Variants in ZFHX3 observed in about 807,000 individuals in gnomAD.
ZFHX3 encodes zinc finger homeobox 3.
A neutral mutation model predicts 279.1 loss-of-function variants in ZFHX3; 42 were observed. That is an observed-to-expected ratio of 0.15 (90% CI 0.12 to 0.19). ZFHX3 has a LOEUF of 0.19. Among genes scored for constraint, ZFHX3 ranks in the 10% least tolerant of loss-of-function variants. The pLI, the probability that ZFHX3 is intolerant of heterozygous loss-of-function variation, is 1.00. For missense variants in ZFHX3, 4,981 were observed against 4,754.0 expected (o/e 1.05, Z -1.40); for synonymous variants, 2,293 against 1,957.8 (o/e 1.17, Z -4.52).
At chr16:73,132,014 A>G (rs1966692953) in intron 6 of ZFHX3, among the ~76,000 whole-genome samples, 1 of 152,106 alleles carries the variant, frequency 6.6e-6, no homozygotes, top group South Asian at 2.1e-4. Flanking sequence ...GGTCCGGTGC[A>G]GTGGCTCACA....
chr16:73,045,640 CATTATTATTATT>C (rs10602067), intron 1 of ZFHX3, among the ~76,000 whole-genome samples: 11,211 of 142,944 alleles, frequency 0.078, 1,443 homozygotes, highest in African/African-American at 0.26. Context: ...CATGGATTTA[CATTATTATTATT>C]ATTATTATTA....
At chr16:73,382,549 G>GGAAT (rs1273961908) in intron 3 of ZFHX3, among the ~76,000 whole-genome samples, 1 of 152,162 alleles carries the variant, frequency 6.6e-6, no homozygotes, top group Non-Finnish European at 1.5e-5. Context: ...TGCTGTGTGG[G>GGAAT]GAATGGATTG....
At chr16:72,995,495 T>C (rs1420818352) in intron 1 of ZFHX3, among the ~76,000 whole-genome samples, 2 of 152,220 alleles carry the variant, frequency 1.3e-5, no homozygotes, top group African/African-American at 4.8e-5. Context: ...ACCTCTCTGA[T>C]GGACACCTTC....
At chr16:73,420,018 C>G (rs2017686338) in intron 3 of ZFHX3, 3 of 151,920 alleles carry the variant, frequency 2.0e-5, no homozygotes, top group Admixed American at 2.0e-4. Context: ...GTAATCCTCC[C>G]ACCTCAGTCT....
intron 3 of ZFHX3, among the ~76,000 whole-genome samples, chr16:73,403,061 CGTGTGCATGT>C (rs745649407): frequency 1.3e-3 from 198 of 152,204 alleles, no homozygotes; most frequent in Middle Eastern, 3.4e-3. Context: ...CATGTGTACA[CGTGTGCATGT>C]GTGTGCATGT....
In ZFHX3 at chr16:73,333,670, C is replaced by G. The variant is rs138909094; in HGVS notation, c.-1290-15334G>C. Among the ~76,000 whole-genome samples the G allele has an allele frequency of 6.3e-4, 95 of 151,986 alleles. No homozygotes were observed. The East Asian group carries it at 0.016, about 26-fold the overall frequency. ...GGATTTTCTAGGGGTAACAAGGGCTCTATACTAGGCATAACCAGCAAAAGA... is the reference window on the plus strand; with the variant it reads ...GGATTTTCTAGGGGTAACAAGGGCTGTATACTAGGCATAACCAGCAAAAGA... On this transcript the variant is annotated intron_variant, in intron 3 of 17. Transcript: ENST00000641206.
At chr16:73,743,688 T>C (rs2053679005) in intron 1 of ZFHX3, among the ~76,000 whole-genome samples, 1 of 152,214 alleles carries the variant, frequency 6.6e-6, no homozygotes, top group Non-Finnish European at 1.5e-5. Context: ...AGAGGTACCG[T>C]ATTTGTTATC....
chr16:73,747,520 C>G (rs2053715246), intron 1 of ZFHX3, among the ~76,000 whole-genome samples: 1 of 152,142 alleles, frequency 6.6e-6, no homozygotes, highest in Admixed American at 6.5e-5. Context: ...TTGTTTGTTT[C>G]TGCAGCAGAA....
intron 3 of ZFHX3, among the ~76,000 whole-genome samples, chr16:72,928,065 G>C (rs1027689150): frequency 4.3e-5 from 6 of 139,034 alleles, no homozygotes; most frequent in Non-Finnish European, 1.6e-5. Flanking sequence ...CAGGCAACGG[G>C]TTTAACCATT....
chr16:73,838,032 G>A (rs1043804547), intron 1 of ZFHX3, among the ~76,000 whole-genome samples: 4 of 152,266 alleles, frequency 2.6e-5, no homozygotes, highest in East Asian at 1.9e-4. Flanking sequence ...ACACATAATC[G>A]GACATAACAT....
chr16:73,470,585 C>T (rs75421771), intron 2 of ZFHX3, among the ~76,000 whole-genome samples: 1,610 of 152,282 alleles, frequency 0.011, 27 homozygotes, highest in African/African-American at 0.037. Flanking sequence ...CTTTCTGCTT[C>T]GTCCCCCACA....
chr16:73,527,401 C>T (rs1426948642), intron 2 of ZFHX3, among the ~76,000 whole-genome samples: 1 of 152,168 alleles, frequency 6.6e-6, no homozygotes, highest in Admixed American at 6.5e-5. Context: ...TGACTAAATA[C>T]TGTACATACA....
chr16:73,269,689 G>A (rs78620157), intron 4 of ZFHX3, among the ~76,000 whole-genome samples: 2,924 of 151,812 alleles, frequency 0.019, 87 homozygotes, highest in African/African-American at 0.067. Context: ...GGGATTGCTT[G>A]GTCCTTCATC....
intron 3 of ZFHX3, among the ~76,000 whole-genome samples, chr16:73,348,376 T>G (rs974855703): frequency 2.6e-5 from 4 of 152,202 alleles, no homozygotes; most frequent in African/African-American, 9.6e-5. Flanking sequence ...CAAGGGTCCT[T>G]CACCTTTGGG....
intron 8 of ZFHX3, among the ~76,000 whole-genome samples, chr16:73,067,294 C>A (rs185774283): frequency 1.3e-5 from 2 of 152,294 alleles, no homozygotes; most frequent in East Asian, 3.9e-4. Flanking sequence ...ACTTAAGCCC[C>A]GACAGTTGAA....
At chr16:72,939,419 C>A (rs1018474021) in intron 3 of ZFHX3, among the ~76,000 whole-genome samples, 15 of 152,264 alleles carry the variant, frequency 9.9e-5, no homozygotes, top group Admixed American at 7.2e-4. Flanking sequence ...CTAGATGGAG[C>A]CACTCTGCTA....
intron 5 of ZFHX3, among the ~76,000 whole-genome samples, chr16:73,231,238 G>A (rs774678043): frequency 6.6e-6 from 1 of 152,202 alleles, no homozygotes; most frequent in Non-Finnish European, 1.5e-5. Flanking sequence ...CATCCCCAAA[G>A]CCAAGAGGCG....
intron 1 of ZFHX3, among the ~76,000 whole-genome samples, chr16:73,792,864 C>CCG (rs1555502005): frequency 1.4e-5 from 2 of 147,830 alleles, no homozygotes; most frequent in African/African-American, 5.1e-5. Flanking sequence ...GCACCCCCCC[C>CCG]CTCCCCTCTC....
At chr16:73,735,146 C>T (rs2053599003) in intron 1 of ZFHX3, among the ~76,000 whole-genome samples, 3 of 152,064 alleles carry the variant, frequency 2.0e-5, no homozygotes, top group African/African-American at 7.2e-5. Flanking sequence ...ATCACCACCA[C>T]CCATGCACAA....
Sources: gnomAD v4.1 joint callset for allele counts (sites outside exome capture counted in the v4.1 genomes callset) on GRCh38, gnomAD v4.1.1 for gene constraint, MANE v1.5 for transcripts, NCBI Gene and HGNC (gene_info 2026-07-23, HGNC 2026-07-21) for gene names.